The following ONECUT3 variants were observed in gnomAD, a reference collection of about 807,000 sequenced individuals.
The protein encoded by ONECUT3 is one cut domain family member 3.
A neutral mutation model predicts 16.8 loss-of-function variants in ONECUT3; 11 were observed. The observed-to-expected ratio is 0.66, with a 90% CI of 0.41 to 1.09. ONECUT3 has a LOEUF of 1.09. Ranked by LOEUF, ONECUT3 falls within the 50% of genes least tolerant of loss-of-function variation. ONECUT3 has a pLI of 0.00. For synonymous variants in ONECUT3, 344 were observed against 310.7 expected (o/e 1.11, Z -1.13); for missense variants, 637 against 629.9 (o/e 1.01, Z -0.12).
chr19:1,772,686 C>CTTTTTTTTTTTTTT (rs201848533), intron 1 of ONECUT3, among the ~76,000 whole-genome samples: 1 of 64,010 alleles, frequency 1.6e-5, no homozygotes, highest in African/African-American at 8.0e-5. Context: ...CTGCTTTACT[C>CTTTTTTTTTTTTTT]TTTTTTTTTT....
chr19:1,773,253 C>T (rs1014223758), intron 1 of ONECUT3, among the ~76,000 whole-genome samples: 1 of 149,058 alleles, frequency 6.7e-6, no homozygotes, highest in Admixed American at 6.7e-5. Flanking sequence ...CATTGTTCTC[C>T]CCCCTCCTGC....
rs1568592907 is a variant in ONECUT3, at chr19:1,758,314, AAAGAGAGAGAGAG to A, written c.1192+3462_1192+3474del. Among the ~76,000 whole-genome samples the A allele has an allele frequency of 8.0e-6, 1 of 124,454 alleles. No individual in the cohort carries two copies. Among genetic ancestry groups the A allele is most frequent in the African/African-American group, 3.2e-5 (1 of 31,414 alleles). 81.6% of individuals were successfully genotyped at this position (124,454 alleles called of 152,430 possible). On this transcript the variant is annotated intron_variant, in intron 1 of 1. Coordinates refer to ENST00000382349, the MANE Select transcript of ONECUT3 (RefSeq NM_001080488.2). The surrounding 1 kb of genome is among the most constrained non-coding windows in gnomAD (Gnocchi z 5.9). ...GGCAGAGAGACCAAAAAAAAAAAAA[AAAGAGAGAGAGAG>A]AGAGAGAGACAGAGATGGGAGAGGA... is the stretch of plus-strand genomic sequence containing the variant.
At position 1,754,071 on chromosome 19, in the gene ONECUT3, C is replaced by G; in HGVS notation, c.409C>G (p.His137Asp). ...HAAAAAVAGA[H>D]GGHPHAHPHP... ...GGCGGCCGCGGCCGTGGCCGGGGCG[C>G]ACGGCGGCCATCCCCACGCGCACCC... The change falls in exon 1 of 2, where the codon CAC becomes GAC. Residue 137 changes from histidine (H) to aspartate (D), a missense_variant. Around this residue, in one of 3 missense-constraint regions of ONECUT3, gnomAD observed 419 missense variants for 377.9 expected, o/e 1.11. Transcript: ENST00000382349. This position sits in a 1 kb window ranked among gnomAD's most constrained non-coding sequence, Gnocchi z 7.4. The G allele has an allele frequency of 1.0e-6, 1 of 998,438 alleles. No homozygotes were observed. Among genetic ancestry groups the G allele is most frequent in the Admixed American group, 6.1e-5 (1 of 16,400 alleles). 61.8% of individuals were successfully genotyped at this position (998,438 alleles called of 1,614,324 possible).
chr19:1,765,256 C>T (rs2067975906), intron 1 of ONECUT3, among the ~76,000 whole-genome samples: 1 of 152,172 alleles, frequency 6.6e-6, no homozygotes, highest in African/African-American at 2.4e-5. Flanking sequence ...CCTGGTGCCA[C>T]CCTGGCTTGT....
rs1016364576 is a variant in ONECUT3 at position 1,755,017 on chromosome 19, C to G, written c.1192+163C>G. ...CAGGAAGCTAGACCGCGATCCGCGC[C>G]GCTGCCCGTTTGTACCGTTGCCAAA... On this transcript the variant is annotated intron_variant, in intron 1 of 1. Transcript: ENST00000382349. The surrounding 1 kb of genome is among the most constrained non-coding windows in gnomAD (Gnocchi z 7.5). 2.6e-5 allele frequency among the ~76,000 whole-genome samples: 4 copies of G among 152,148 alleles called. No individual in the cohort carries two copies. The highest frequency in any genetic ancestry group is 7.2e-5 in the African/African-American group (3 of 41,446).
chr19:1,768,903 TGGTGGA>T (rs1360700178), intron 1 of ONECUT3, among the ~76,000 whole-genome samples: 459 of 93,730 alleles, frequency 4.9e-3, no homozygotes, highest in Non-Finnish European at 5.7e-3. Flanking sequence ...GAGGTGGAGG[TGGTGGA>T]GGTGGAGGTG....
intron 1 of ONECUT3, among the ~76,000 whole-genome samples, chr19:1,765,575 G>A (rs541289229): frequency 3.7e-4 from 56 of 152,324 alleles, no homozygotes; most frequent in African/African-American, 1.3e-3. Context: ...AGCTCCTGGA[G>A]CTGCCTCTCT....
chr19:1,770,864 C>G (rs990049326), intron 1 of ONECUT3, among the ~76,000 whole-genome samples: 2 of 152,260 alleles, frequency 1.3e-5, no homozygotes, highest in Admixed American at 1.3e-4. Context: ...CCCTGGTACA[C>G]TGTTCACCCT....
At position 1,753,608 on chromosome 19, in the gene ONECUT3, C is replaced by A; in HGVS notation, c.-55C>A. On this transcript the variant is annotated 5_prime_UTR_variant, in exon 1 of 2. Coordinates refer to ENST00000382349, the MANE Select transcript of ONECUT3 (RefSeq NM_001080488.2). ...GAGCGGGCGGGAGTCATGCAGCGGC[C>A]TTGAGCACTAGGGGCCGGCGCTGAG... 1.4e-6 allele frequency: 1 copy of A among 690,156 alleles called. No homozygotes were observed. The highest frequency in any genetic ancestry group is 6.4e-5 in the South Asian group (1 of 15,600). The allele number at this position is 690,156 out of a possible 1,614,324, so 42.8% of individuals were successfully genotyped here.
chr19:1,757,355 GACAA>G (rs1220123166), intron 1 of ONECUT3, among the ~76,000 whole-genome samples: 3 of 152,250 alleles, frequency 2.0e-5, no homozygotes, highest in Admixed American at 6.5e-5. Context: ...TTGTGACAAT[GACAA>G]ACAGTCTCAG....
At position 1,755,956 on chromosome 19, in the gene ONECUT3, C is replaced by T. The variant is rs1381916944; in HGVS notation, c.1192+1102C>T. Among the ~76,000 whole-genome samples, 3 of 152,090 alleles carry T rather than the reference C, an allele frequency of 2.0e-5. No homozygotes were observed. Among genetic ancestry groups the T allele is most frequent in the Admixed American group, 6.5e-5 (1 of 15,276 alleles). ...CTGGTGGTGCTGGGGAGGGGGCTGT[C>T]CACCCGGGCCACAGGGACAATAGCC... On this transcript the variant is annotated intron_variant, in intron 1 of 1. Transcript: ENST00000382349. This position sits in a 1 kb window ranked among gnomAD's most constrained non-coding sequence, Gnocchi z 7.5.
chr19:1,771,231 AG>A (rs766812872), intron 1 of ONECUT3, among the ~76,000 whole-genome samples: 2 of 152,148 alleles, frequency 1.3e-5, no homozygotes, highest in Non-Finnish European at 2.9e-5. Context: ...GCTGTCTTCC[AG>A]GGTCCCCCTC....
At chr19:1,760,632 C>T (rs759915908) in intron 1 of ONECUT3, among the ~76,000 whole-genome samples, 16 of 151,634 alleles carry the variant, frequency 1.1e-4, no homozygotes, top group Admixed American at 3.9e-4. Flanking sequence ...GGGAGACCAC[C>T]GGAGACTCCC....
chr19:1,772,134 C>G (rs1338684358), intron 1 of ONECUT3, among the ~76,000 whole-genome samples: 1 of 151,862 alleles, frequency 6.6e-6, no homozygotes, highest in Non-Finnish European at 1.5e-5. Context: ...CTCAGCCTCC[C>G]CAGTAGCTGG....
Position 1,777,041 on chromosome 19 carries a change from GGAGAGA to G in ONECUT3, c.*1600_*1605del. 1.7e-5 allele frequency: 1 copy of G among 59,666 alleles called. No homozygotes were observed. Among genetic ancestry groups the G allele is most frequent in the East Asian group, 4.7e-4 (1 of 2,144 alleles). 3.7% of individuals were successfully genotyped at this position (59,666 alleles called of 1,614,324 possible). A position where few individuals can be genotyped will look rare whatever the true frequency, so the allele number is the denominator to read the frequency against. On this transcript the variant is annotated 3_prime_UTR_variant, in exon 2 of 2. Transcript: ENST00000382349. Reference sequence around the variant, plus strand: ...GAGCGAAAGAGAGAGAGAGAGAGAGGGAGAGAGAGGGAGAGAAAGGGAGAGAGGGAG... The same window carrying G: ...GAGCGAAAGAGAGAGAGAGAGAGAGGGAGGGAGAGAAAGGGAGAGAGGGAG...
chr19:1,768,853 G>A (rs534497011), intron 1 of ONECUT3, among the ~76,000 whole-genome samples: 1 of 151,910 alleles, frequency 6.6e-6, no homozygotes, highest in African/African-American at 2.4e-5. Context: ...GGAAGGTGGA[G>A]ACGATGGAGG....
rs571153490 is a variant in ONECUT3, at chr19:1,775,546, G to A, written c.*101G>A. On this transcript the variant is annotated 3_prime_UTR_variant, in exon 2 of 2. Coordinates refer to ENST00000382349, the MANE Select transcript of ONECUT3 (RefSeq NM_001080488.2). ...CGGCCCGGAGACCCGCCCCCAGGGG[G>A]CACCTGGAGGGGGTGCTATCCGGGC... 8.2e-7 allele frequency: 1 copy of A among 1,224,894 alleles called. No individual in the cohort carries two copies. Among genetic ancestry groups the A allele is most frequent in the Non-Finnish European group, 1.1e-6 (1 of 930,178 alleles). The allele number at this position is 1,224,894 out of a possible 1,614,324, so 75.9% of individuals were successfully genotyped here. A position where few individuals can be genotyped will look rare whatever the true frequency, so the allele number is the denominator to read the frequency against.
At chr19:1,774,981 T>C (rs1223304407) in intron 1 of ONECUT3, among the ~76,000 whole-genome samples, 172 bp from the exon 2 acceptor site, 1 of 152,090 alleles carries the variant, frequency 6.6e-6, no homozygotes, top group Non-Finnish European at 1.5e-5. Context: ...CTCCCTGCAT[T>C]CTTGTTGCTT....
In ONECUT3 at chr19:1,775,928, C is replaced by G. The variant is rs940959807; in HGVS notation, c.*483C>G. ...AAACTTCCTTCCTCCCCACCCGCCCCGGCCCCCTCCCCAGGGACCTCAGCC... is the reference window on the plus strand; with the variant it reads ...AAACTTCCTTCCTCCCCACCCGCCCGGGCCCCCTCCCCAGGGACCTCAGCC... On this transcript the variant is annotated 3_prime_UTR_variant, in exon 2 of 2. Transcript: ENST00000382349. The G allele has an allele frequency of 6.6e-6, 1 of 152,432 alleles. No homozygotes were observed. The highest frequency in any genetic ancestry group is 2.4e-5 in the African/African-American group (1 of 41,306). 9.4% of individuals were successfully genotyped at this position (152,432 alleles called of 1,614,324 possible). A position where few individuals can be genotyped will look rare whatever the true frequency, so the allele number is the denominator to read the frequency against.
Sources: gnomAD v4.1 joint callset for allele counts (sites outside exome capture counted in the v4.1 genomes callset) on GRCh38, gnomAD v4.1.1 for gene constraint, gnomAD v4.1.1 regional missense constraint, Gnocchi (gnomAD v3.1) non-coding constraint, MANE v1.5 for transcripts, NCBI Gene and HGNC (gene_info 2026-07-23, HGNC 2026-07-21) for gene names.